DNAJC10: variants seen among roughly 807,000 people sequenced by gnomAD.
The protein encoded by DNAJC10 is DnaJ heat shock protein family (Hsp40) member C10.
In DNAJC10, 101 loss-of-function variants were observed where a neutral mutation model predicts 115.0. That is an observed-to-expected ratio of 0.88 (90% CI 0.75 to 1.04). The LOEUF (loss-of-function observed/expected upper bound fraction) is 1.04. Among genes scored for constraint, DNAJC10 ranks in the 50% least tolerant of loss-of-function variants. The probability of loss-of-function intolerance (pLI) is 0.00; values close to 1 mark genes in which losing one functional copy is unlikely to be tolerated. For synonymous variants in DNAJC10, 307 were observed against 301.5 expected (o/e 1.02, Z -0.19); for missense variants, 981 against 928.8 (o/e 1.06, Z -0.73).
At position 182,743,720 on chromosome 2, in the gene DNAJC10, T is replaced by TG. The variant is rs1559009687; in HGVS notation, c.1306+10dup. 6.5e-7 allele frequency: 1 copy of TG among 1,540,132 alleles called. No individual in the cohort carries two copies. On this transcript the variant is annotated intron_variant, in intron 14 of 23. Coordinates refer to ENST00000264065, the MANE Select transcript of DNAJC10 (RefSeq NM_018981.4). ...AATATGAAATTCATCATGGTAAGAATGGAAAAAAATGATAAAAAAAAACTT... is the reference window on the plus strand; with the variant it reads ...AATATGAAATTCATCATGGTAAGAATGGGAAAAAAATGATAAAAAAAAACTT...
chr2:182,751,776 C>T lies in DNAJC10; in HGVS notation c.1425C>T (p.Phe475=). The part of the protein sequence containing the change: ...ANDKEPWLVD[F]FAPWCPPCRA... Reference sequence around the variant, plus strand: ...ACAAAGAACCATGGCTTGTTGATTTCTTTGCCCCCGTAAGTTATTTTTATC... The same window carrying T: ...ACAAAGAACCATGGCTTGTTGATTTTTTTGCCCCCGTAAGTTATTTTTATC... Residue 475 remains phenylalanine, a synonymous_variant, in exon 15 of 24, where the codon TTC becomes TTT. Coordinates refer to ENST00000264065, the MANE Select transcript of DNAJC10 (RefSeq NM_018981.4). The T allele has an allele frequency of 6.2e-7, 1 of 1,612,912 alleles. No individual in the cohort carries two copies. Among genetic ancestry groups the T allele is most frequent in the Non-Finnish European group, 8.5e-7 (1 of 1,179,770 alleles).
rs1693584173 is a variant in DNAJC10 at position 182,736,321 on chromosome 2, A to G, written c.922A>G (p.Thr308Ala). 6.3e-7 allele frequency: 1 copy of G among 1,596,568 alleles called. No individual in the cohort carries two copies. Among genetic ancestry groups the G allele is most frequent in the African/African-American group, 1.4e-5 (1 of 73,786 alleles). The part of the protein sequence containing the change: ...DNLCKSLDIT[T>A]STTAYFPPGA... ...CCTTTGTAAAAGCTTAGATATTACAACAAGTACTACTGCTTATTTTCCTCC... is the reference window on the plus strand; with the variant it reads ...CCTTTGTAAAAGCTTAGATATTACAGCAAGTACTACTGCTTATTTTCCTCC... The change falls in exon 11 of 24, where the codon ACA (threonine) becomes GCA (alanine). Residue 308 changes from threonine (T) to alanine (A), a missense_variant. Coordinates refer to ENST00000264065, the MANE Select transcript of DNAJC10 (RefSeq NM_018981.4).
Position 182,765,915 on chromosome 2 carries a change from A to G in DNAJC10, c.2265+3114A>G, listed in dbSNP as rs114180865. Among the ~76,000 whole-genome samples, 1,214 of 152,338 alleles carry G rather than the reference A, an allele frequency of 8.0e-3. 15 individuals carry two copies. Among genetic ancestry groups the G allele is most frequent in the African/African-American group, 0.028 (1,148 of 41,584 alleles). ...AGGTTTAAAGTTATAATGGATTCAA[A>G]TAAATGACCAATTGCATCTTTAGTT... On this transcript the variant is annotated intron_variant, in intron 22 of 23. Transcript: ENST00000264065.
At chr2:182,722,403 A>C (rs992828712) in intron 5 of DNAJC10, among the ~76,000 whole-genome samples, 4 of 152,158 alleles carry the variant, frequency 2.6e-5, no homozygotes, top group African/African-American at 9.7e-5. Flanking sequence ...GTTTTGGATA[A>C]AGGTATAGTT....
intron 21 of DNAJC10, 78 bp downstream of exon 21, chr2:182,759,385 T>G: frequency 7.2e-7 from 1 of 1,397,330 alleles, no homozygotes; most frequent in East Asian, 2.4e-5. Flanking sequence ...AAGTATGTAA[T>G]TTTTAGGTTT....
rs1239839438 is a variant in DNAJC10, at chr2:182,784,391, C to CACAA, written c.*7263_*7266dup. 6.6e-6 allele frequency: 1 copy of CACAA among 152,126 alleles called. No individual in the cohort carries two copies. Among genetic ancestry groups the CACAA allele is most frequent in the Non-Finnish European group, 1.5e-5 (1 of 68,024 alleles). The allele number at this position is 152,126 out of a possible 1,614,324, so 9.4% of individuals were successfully genotyped here. The stretch of plus-strand genomic sequence containing the variant: ...TATATAAACTTAAGAAACCTCCCCA[C>CACAA]ACAAACACACACAGCCATATTGTCA... On this transcript the variant is annotated 3_prime_UTR_variant, in exon 24 of 24. Coordinates refer to ENST00000264065, the MANE Select transcript of DNAJC10 (RefSeq NM_018981.4).
At chr2:182,765,664 T>C (rs1309919459) in intron 22 of DNAJC10, among the ~76,000 whole-genome samples, 9 of 152,188 alleles carry the variant, frequency 5.9e-5, no homozygotes, top group Admixed American at 5.9e-4. Flanking sequence ...TTCATTGTTG[T>C]GGTCGATTCT....
intron 22 of DNAJC10, 77 bp from the exon 23 acceptor site, chr2:182,775,239 A>C (rs767222391): frequency 2.3e-5 from 21 of 928,838 alleles, no homozygotes; most frequent in Non-Finnish European, 3.3e-5. Context: ...TTGAAAGCAT[A>C]TTTAATCAAG....
At chr2:182,759,623 T>C (rs867469590) in intron 21 of DNAJC10, among the ~76,000 whole-genome samples, 1 of 152,140 alleles carries the variant, frequency 6.6e-6, no homozygotes, top group South Asian at 2.1e-4. Flanking sequence ...AGGCAGTTAC[T>C]AGATTGTGTC....
intron 9 of DNAJC10, among the ~76,000 whole-genome samples, chr2:182,732,130 T>G (rs1693462870): frequency 1.3e-5 from 2 of 152,132 alleles, no homozygotes; most frequent in South Asian, 4.1e-4. Context: ...CTTTATATAC[T>G]TCTATCAAAT....
chr2:182,774,256 C>T (rs1175266336), intron 22 of DNAJC10, among the ~76,000 whole-genome samples: 1 of 152,190 alleles, frequency 6.6e-6, no homozygotes, highest in Non-Finnish European at 1.5e-5. Flanking sequence ...TATGAGGTGT[C>T]TGTCGGCCCC....
intron 3 of DNAJC10, among the ~76,000 whole-genome samples, chr2:182,719,798 C>CTTT (rs35682380): frequency 0.023 from 2,770 of 122,152 alleles, 85 homozygotes; most frequent in Middle Eastern, 0.032. Context: ...ACTTTTCTTA[C>CTTT]TTTTTTTTTT....
chr2:182,746,854 A>G (rs1693881274), intron 14 of DNAJC10, among the ~76,000 whole-genome samples: 2 of 151,896 alleles, frequency 1.3e-5, no homozygotes, highest in Admixed American at 6.6e-5. Flanking sequence ...TAGGGTTTTT[A>G]TGGTTTTAGG....
chr2:182,739,316 G>A (rs1238387824), intron 11 of DNAJC10, among the ~76,000 whole-genome samples: 1 of 149,872 alleles, frequency 6.7e-6, no homozygotes. Flanking sequence ...TTATTCTTAT[G>A]TTGTACCTAT....
Position 182,729,596 on chromosome 2 carries a change from G to T in DNAJC10, c.634-252G>T, listed in dbSNP as rs553026850. On this transcript the variant is annotated intron_variant, in intron 7 of 23. Transcript: ENST00000264065. ...CAAGTGTTGTCTCATTGAATGTAAAGCTCTGATATCTTTTTTCTTAGTTTC... is the reference window on the plus strand; with the variant it reads ...CAAGTGTTGTCTCATTGAATGTAAATCTCTGATATCTTTTTTCTTAGTTTC... 4.0e-5 allele frequency among the ~76,000 whole-genome samples: 6 copies of T among 151,604 alleles called. No homozygotes were observed. In the East Asian group the frequency reaches 7.7e-4, roughly 20 times the overall value.
intron 5 of DNAJC10, among the ~76,000 whole-genome samples, chr2:182,728,273 A>G (rs1485588349): frequency 4.6e-5 from 7 of 152,090 alleles, no homozygotes; most frequent in African/African-American, 7.2e-5. Context: ...TTACAACTTT[A>G]TGGCCATATT....
rs777981420 is a variant in DNAJC10, at chr2:182,732,518, A to G, written c.825A>G (p.Thr275=). 8 of 1,613,572 alleles carry G rather than the reference A, an allele frequency of 5.0e-6. No homozygotes were observed. In the South Asian group the frequency reaches 7.7e-5, roughly 16 times the overall value. The change falls in exon 10 of 24, where the codon ACA becomes ACG. Residue 275 remains threonine (T), a synonymous_variant. Coordinates refer to ENST00000264065, the MANE Select transcript of DNAJC10 (RefSeq NM_018981.4). ...SKGGDCLTSQ[T]RLRLSGMLDG... ...CCCCAGATTGTTTGACTTCACAGAC[A>G]CGACTCAGGCTTAGTGGCATGTTGG...
rs1293226010 is a variant in DNAJC10, at chr2:182,777,819, C to T, written c.*687C>T. On this transcript the variant is annotated 3_prime_UTR_variant, in exon 24 of 24. Coordinates refer to ENST00000264065, the MANE Select transcript of DNAJC10 (RefSeq NM_018981.4). ...AAAAATGCTTTTAATTTTTCACAGC[C>T]GAGAAACAGTGCAGCAGTATATGTG... The T allele has an allele frequency of 1.3e-5, 2 of 151,894 alleles. No homozygotes were observed. Among genetic ancestry groups the T allele is most frequent in the Non-Finnish European group, 2.9e-5 (2 of 67,990 alleles). 9.4% of individuals were successfully genotyped at this position (151,894 alleles called of 1,614,324 possible). A position where few individuals can be genotyped will look rare whatever the true frequency, so the allele number is the denominator to read the frequency against.
At chr2:182,737,130 G>A (rs1693605311) in intron 11 of DNAJC10, among the ~76,000 whole-genome samples, 1 of 152,172 alleles carries the variant, frequency 6.6e-6, no homozygotes, top group African/African-American at 2.4e-5. Context: ...AAAGCACCCC[G>A]TGGGATTCTG....
Sources: allele counts gnomAD v4.1 joint callset (sites outside exome capture counted in the v4.1 genomes callset), GRCh38; gene constraint gnomAD v4.1.1; transcripts MANE v1.5; gene names NCBI Gene and HGNC (gene_info 2026-07-23, HGNC 2026-07-21).